Variants in ARHGAP24 observed in about 807,000 individuals in gnomAD.
ARHGAP24 encodes the protein Rho GTPase activating protein 24.
A neutral mutation model predicts 76.4 loss-of-function variants in ARHGAP24; 50 were observed. The observed-to-expected ratio is 0.65, with a 90% CI of 0.52 to 0.83. The LOEUF (loss-of-function observed/expected upper bound fraction) is 0.83, where lower values mean the gene tolerates loss of function less well. ARHGAP24 is among the 40% of genes least tolerant of loss of function. The pLI is 0.00. For synonymous variants in ARHGAP24, 345 were observed against 323.3 expected (o/e 1.07, Z -0.72); for missense variants, 930 against 914.2 (o/e 1.02, Z -0.22).
chr4:85,817,761 G>A (rs1729304824), intron 3 of ARHGAP24, among the ~76,000 whole-genome samples: 1 of 152,100 alleles, frequency 6.6e-6, no homozygotes, highest in Non-Finnish European at 1.5e-5. Flanking sequence ...CAGATCCTGG[G>A]GTCTAGTTTA....
intron 8 of ARHGAP24, among the ~76,000 whole-genome samples, chr4:85,986,281 T>C (rs138275757): frequency 1.5e-3 from 231 of 152,278 alleles, no homozygotes; most frequent in African/African-American, 5.1e-3. Context: ...AGGAAACCTT[T>C]AGAATGTTTT....
In ARHGAP24 at chr4:85,704,673, G is replaced by T. The variant is rs556452342; in HGVS notation, c.181-17212G>T. 3.9e-5 allele frequency among the ~76,000 whole-genome samples: 6 copies of T among 152,208 alleles called. No homozygotes were observed. In the South Asian group the frequency reaches 1.2e-3, roughly 32 times the overall value. On this transcript the variant is annotated intron_variant, in intron 2 of 9. Coordinates refer to ENST00000395184, the MANE Select transcript of ARHGAP24 (RefSeq NM_001025616.3). ...AATATTTTTAACAACTTAGTAATAAGTGGCATCATATGGCATATATTTCTC... is the reference window on the plus strand; with the variant it reads ...AATATTTTTAACAACTTAGTAATAATTGGCATCATATGGCATATATTTCTC...
At chr4:85,623,905 T>C (rs905886687) in intron 2 of ARHGAP24, among the ~76,000 whole-genome samples, 10 of 151,184 alleles carry the variant, frequency 6.6e-5, no homozygotes, top group Admixed American at 5.3e-4. Flanking sequence ...TATTGGTGTA[T>C]AAGAATGCTT....
At chr4:85,883,618 GCA>G (rs1485289208) in intron 3 of ARHGAP24, among the ~76,000 whole-genome samples, 2 of 152,080 alleles carry the variant, frequency 1.3e-5, no homozygotes, top group Non-Finnish European at 2.9e-5. Context: ...AGGGCCAATG[GCA>G]AAGCCTTGAC....
At chr4:85,949,825 C>G (rs1247284547) in intron 5 of ARHGAP24, among the ~76,000 whole-genome samples, 1 of 152,212 alleles carries the variant, frequency 6.6e-6, no homozygotes, top group Non-Finnish European at 1.5e-5. Flanking sequence ...TGTGAACAAT[C>G]TACCTTATTC....
chr4:85,896,659 C>T (rs1433217550), intron 3 of ARHGAP24, among the ~76,000 whole-genome samples: 2 of 152,158 alleles, frequency 1.3e-5, no homozygotes, highest in Admixed American at 1.3e-4. Context: ...TTACTGCCTC[C>T]CTCTTCTACT....
In ARHGAP24 at chr4:85,583,099, A is replaced by G. The variant is rs1194751975; in HGVS notation, c.180+12378A>G. 2.0e-5 allele frequency among the ~76,000 whole-genome samples: 3 copies of G among 152,162 alleles called. No individual in the cohort carries two copies. In the East Asian group the frequency reaches 5.8e-4, roughly 29 times the overall value. ...AATTTGAAAATTTTTGATTTTTTCT[A>G]GTAAAATGCATTAGCAATATTACTG... On this transcript the variant is annotated intron_variant, in intron 2 of 9. Transcript: ENST00000395184.
chr4:85,972,383 T>G, intron 6 of ARHGAP24: 1 of 600,948 alleles, frequency 1.7e-6, no homozygotes, highest in Admixed American at 3.0e-5. Context: ...CTGAATAAAT[T>G]AAATCAGCAC....
intron 3 of ARHGAP24, among the ~76,000 whole-genome samples, chr4:85,788,936 A>T (rs1578229953): frequency 6.6e-6 from 1 of 152,164 alleles, no homozygotes; most frequent in East Asian, 1.9e-4. Flanking sequence ...TAAGAAATAC[A>T]TATTTGGCCT....
intron 6 of ARHGAP24, among the ~76,000 whole-genome samples, chr4:85,972,938 A>C (rs1026971456): frequency 6.6e-6 from 1 of 152,086 alleles, no homozygotes; most frequent in Non-Finnish European, 1.5e-5. Flanking sequence ...ATTCTAAACA[A>C]TATTCTATTA....
intron 3 of ARHGAP24, among the ~76,000 whole-genome samples, chr4:85,898,403 G>A (rs568126039): frequency 6.6e-6 from 1 of 152,054 alleles, no homozygotes; most frequent in African/African-American, 2.4e-5. Flanking sequence ...GTGCATACAG[G>A]CTCTTAGACA....
chr4:85,750,962 A>C (rs1316980190), intron 3 of ARHGAP24, among the ~76,000 whole-genome samples: 2 of 152,208 alleles, frequency 1.3e-5, no homozygotes, highest in African/African-American at 2.4e-5. Context: ...TAATTTTTAG[A>C]ATACTACACA....
At chr4:85,934,800 C>A (rs993488599) in intron 4 of ARHGAP24, among the ~76,000 whole-genome samples, 3 of 152,234 alleles carry the variant, frequency 2.0e-5, no homozygotes, top group Non-Finnish European at 4.4e-5. Flanking sequence ...TAGGCGCAAG[C>A]CACCTCGCCC....
Position 85,583,042 on chromosome 4 carries a change from T to C in ARHGAP24, c.180+12321T>C, listed in dbSNP as rs1727682483. 2.0e-5 allele frequency among the ~76,000 whole-genome samples: 3 copies of C among 152,156 alleles called. No individual in the cohort carries two copies. The South Asian group carries it at 6.2e-4, about 32-fold the overall frequency. ...GTTGCATTCCACACAGCTGATACTC[T>C]TCTAGCTTTCCTGTTTTGATGTCTG... On this transcript the variant is annotated intron_variant, in intron 2 of 9. Coordinates refer to ENST00000395184, the MANE Select transcript of ARHGAP24 (RefSeq NM_001025616.3).
At chr4:85,955,480 G>T (rs565590533) in intron 5 of ARHGAP24, among the ~76,000 whole-genome samples, 1 of 152,296 alleles carries the variant, frequency 6.6e-6, no homozygotes, top group South Asian at 2.1e-4. Flanking sequence ...CTCTCTGAAG[G>T]ATTTAGGGAA....
chr4:85,515,178 A>G (rs961292116), intron 1 of ARHGAP24, among the ~76,000 whole-genome samples: 29 of 152,104 alleles, frequency 1.9e-4, no homozygotes, highest in Non-Finnish European at 4.0e-4. Context: ...TGGGCAAAGT[A>G]TGTTTCTATT....
At chr4:85,907,294 C>A (rs1734820282) in intron 3 of ARHGAP24, among the ~76,000 whole-genome samples, 1 of 152,108 alleles carries the variant, frequency 6.6e-6, no homozygotes, top group Non-Finnish European at 1.5e-5. Flanking sequence ...AATAGACAAA[C>A]AAATGTAGTC....
chr4:86,000,080 C>CTTTTTTTTTTTT (rs35831725), intron 9 of ARHGAP24: 3 of 143,350 alleles, frequency 2.1e-5, no homozygotes, highest in African/African-American at 5.4e-5. Flanking sequence ...TTATTGCCCT[C>CTTTTTTTTTTTT]TTTTTTTTTT....
intron 3 of ARHGAP24, among the ~76,000 whole-genome samples, chr4:85,735,948 C>T (rs1411104470): frequency 6.6e-6 from 1 of 151,990 alleles, no homozygotes; most frequent in Admixed American, 6.6e-5. Flanking sequence ...TATAACTACC[C>T]CCGATGTATT....
Sources: gnomAD v4.1 joint callset for allele counts (sites outside exome capture counted in the v4.1 genomes callset) on GRCh38, gnomAD v4.1.1 for gene constraint, MANE v1.5 for transcripts, NCBI Gene and HGNC (gene_info 2026-07-23, HGNC 2026-07-21) for gene names.